The following NOL4 variants were observed in gnomAD, a reference collection of about 807,000 sequenced individuals.
NOL4 encodes the protein nucleolar protein 4, also known as cancer/testis antigen 125.
Under a neutral mutation model 75.9 loss-of-function variants are expected in NOL4, and 17 were observed. That is an observed-to-expected ratio of 0.22 (90% CI 0.15 to 0.34). NOL4 has a LOEUF of 0.34. NOL4 is among the 10% of genes least tolerant of loss of function. The probability of loss-of-function intolerance (pLI) is 1.00; values close to 1 mark genes in which losing one functional copy is unlikely to be tolerated. For missense variants in NOL4, 614 were observed against 793.5 expected (o/e 0.77, Z 2.72); for synonymous variants, 292 against 289.9 (o/e 1.01, Z -0.07).
chr18:33,954,936 T>C (rs1456952832), intron 8 of NOL4, among the ~76,000 whole-genome samples: 1 of 151,982 alleles, frequency 6.6e-6, no homozygotes, highest in Non-Finnish European at 1.5e-5. Context: ...CAATTAAAAA[T>C]AAAGATTATA....
At position 33,852,819 on chromosome 18, in the gene NOL4, A is replaced by G. The variant is rs2062679102; in HGVS notation, c.*23T>C. 6.3e-7 allele frequency: 1 copy of G among 1,595,654 alleles called. No individual in the cohort carries two copies. The highest frequency in any genetic ancestry group is 1.3e-5 in the African/African-American group (1 of 74,422). On this transcript the variant is annotated 3_prime_UTR_variant, in exon 11 of 11. Coordinates refer to ENST00000261592, the MANE Select transcript of NOL4 (RefSeq NM_003787.5). ...AGTGGAAACTGCAAATTTAGACCTC[A>G]GTGAATATGGTGGTCGTCTGTCTCA...
chr18:34,117,380 G>A (rs1033201410), intron 2 of NOL4, among the ~76,000 whole-genome samples: 7 of 152,138 alleles, frequency 4.6e-5, no homozygotes, highest in African/African-American at 1.7e-4. Context: ...AAAAGATAGA[G>A]ACTGTTTCAT....
chr18:34,156,938 C>T (rs972099616), intron 1 of NOL4: 3 of 152,204 alleles, frequency 2.0e-5, no homozygotes, highest in African/African-American at 7.2e-5. Context: ...CCACTGTCCC[C>T]TTCTCATCAC....
intron 9 of NOL4, among the ~76,000 whole-genome samples, chr18:33,923,302 CATATT>C (rs985299665): frequency 6.6e-6 from 1 of 151,862 alleles, no homozygotes; most frequent in Non-Finnish European, 1.5e-5. Context: ...GTTGATCATA[CATATT>C]ATTAAAACTT....
At chr18:33,892,662 T>C (rs76339575) in intron 9 of NOL4, among the ~76,000 whole-genome samples, 39 of 105,250 alleles carry the variant, frequency 3.7e-4, no homozygotes, top group African/African-American at 1.2e-3. Context: ...TCTTCTTCTT[T>C]TTTTCTTTCC....
At chr18:34,222,835 G>T in intron 1 of NOL4, 155 bp downstream of exon 1, 1 of 939,588 alleles carries the variant, frequency 1.1e-6, no homozygotes, top group Non-Finnish European at 1.6e-6. Flanking sequence ...CCTGGCTAAT[G>T]CGAGTGGGGA....
intron 2 of NOL4, among the ~76,000 whole-genome samples, chr18:34,108,331 G>C (rs1375842267): frequency 2.0e-5 from 3 of 151,976 alleles, no homozygotes; most frequent in African/African-American, 2.4e-5. Flanking sequence ...AATGGCAGTA[G>C]TAAGTCCTTA....
chr18:33,893,869 T>G (rs544734533), intron 9 of NOL4, among the ~76,000 whole-genome samples: 1 of 152,136 alleles, frequency 6.6e-6, no homozygotes, highest in Admixed American at 6.6e-5. Context: ...TAAAGAGCCT[T>G]AAACTGAACT....
chr18:34,144,123 A>ATAC (rs910735403), intron 1 of NOL4, among the ~76,000 whole-genome samples: 10 of 152,164 alleles, frequency 6.6e-5, no homozygotes, highest in African/African-American at 2.4e-4. Flanking sequence ...AGTATAGACA[A>ATAC]TACTACACTA....
At chr18:33,984,281 C>T (rs2072249827) in intron 6 of NOL4, among the ~76,000 whole-genome samples, 4 of 152,044 alleles carry the variant, frequency 2.6e-5, no homozygotes, top group African/African-American at 9.7e-5. Flanking sequence ...ACCCTAGGGT[C>T]AAATATACAG....
chr18:34,126,844 T>C (rs1270991352), intron 2 of NOL4, among the ~76,000 whole-genome samples: 1 of 152,058 alleles, frequency 6.6e-6, no homozygotes, highest in Non-Finnish European at 1.5e-5. Flanking sequence ...TAAAAGGATA[T>C]ATTTTAAGTT....
At position 34,224,210 on chromosome 18, in the gene NOL4, G is replaced by T. The variant is rs1252628931; in HGVS notation, c.-957C>A. On this transcript the variant is annotated 5_prime_UTR_variant, in exon 1 of 11. Transcript: ENST00000261592. ...TGGGACCCCCAGACAGGACTCCTCTGGTTTCTGCTGAACAAGACATAGAAG... is the reference window on the plus strand; with the variant it reads ...TGGGACCCCCAGACAGGACTCCTCTTGTTTCTGCTGAACAAGACATAGAAG... 1.3e-5 allele frequency: 2 copies of T among 152,266 alleles called. No homozygotes were observed. The highest frequency in any genetic ancestry group is 2.9e-5 in the Non-Finnish European group (2 of 68,078). 9.4% of individuals were successfully genotyped at this position (152,266 alleles called of 1,614,324 possible). A position where few individuals can be genotyped will look rare whatever the true frequency, so the allele number is the denominator to read the frequency against.
At chr18:34,028,266 TCTTTA>T (rs764346343) in intron 5 of NOL4, among the ~76,000 whole-genome samples, 5 of 152,222 alleles carry the variant, frequency 3.3e-5, no homozygotes, top group Non-Finnish European at 7.3e-5. Context: ...AATCCTTGTT[TCTTTA>T]CTTAAGCCAA....
chr18:33,940,899 A>T (rs1441277434), intron 9 of NOL4, among the ~76,000 whole-genome samples: 1 of 151,884 alleles, frequency 6.6e-6, no homozygotes, highest in Admixed American at 6.6e-5. Context: ...CTGGTGCAGG[A>T]GTAAGAAGTC....
intron 9 of NOL4, among the ~76,000 whole-genome samples, chr18:33,914,375 G>A (rs1364165217): frequency 6.6e-6 from 1 of 151,808 alleles, no homozygotes; most frequent in African/African-American, 2.4e-5. Flanking sequence ...GGAGGTGAGA[G>A]AAGGGACACA....
chr18:33,862,308 A>G (rs1322835288), intron 10 of NOL4, among the ~76,000 whole-genome samples: 1 of 152,222 alleles, frequency 6.6e-6, no homozygotes, highest in East Asian at 1.9e-4. Flanking sequence ...ACCTAAAACC[A>G]TAAAAACCCT....
At chr18:34,014,751 T>C (rs1311841308) in intron 6 of NOL4, among the ~76,000 whole-genome samples, 1 of 152,000 alleles carries the variant, frequency 6.6e-6, no homozygotes, top group Non-Finnish European at 1.5e-5. Context: ...CCTAACTTCA[T>C]TCAGTGCAAT....
intron 1 of NOL4, among the ~76,000 whole-genome samples, chr18:34,175,766 C>G (rs1435876515): frequency 6.6e-6 from 1 of 152,080 alleles, no homozygotes; most frequent in African/African-American, 2.4e-5. Flanking sequence ...AGTTGCTACA[C>G]ATGACAAAGA....
chr18:33,955,383 G>A (rs551239345), intron 8 of NOL4, among the ~76,000 whole-genome samples: 18 of 151,934 alleles, frequency 1.2e-4, no homozygotes, highest in Non-Finnish European at 2.2e-4. Context: ...GCAAATGATC[G>A]AAAAGTTAAA....
Sources: gnomAD v4.1 joint callset for allele counts (sites outside exome capture counted in the v4.1 genomes callset) on GRCh38, gnomAD v4.1.1 for gene constraint, MANE v1.5 for transcripts, NCBI Gene and HGNC (gene_info 2026-07-23, HGNC 2026-07-21) for gene names.